The following NCKAP5 variants were observed in gnomAD, a reference collection of about 807,000 sequenced individuals.
NCKAP5 encodes the protein nck-associated protein 5.
A neutral mutation model predicts 167.0 loss-of-function variants in NCKAP5; 92 were observed. The observed-to-expected ratio is 0.55, with a 90% CI of 0.47 to 0.66. The LOEUF is 0.66. Among genes scored for constraint, NCKAP5 ranks in the 30% least tolerant of loss-of-function variants. NCKAP5 has a pLI of 0.00. For missense variants in NCKAP5, 2,378 were observed against 2,315.0 expected, an observed-to-expected ratio of 1.03 and a Z score of -0.56; for synonymous variants, 891 against 877.4, an observed-to-expected ratio of 1.02 and a Z score of -0.27.
intron 8 of NCKAP5, among the ~76,000 whole-genome samples, chr2:132,911,486 GTAA>G (rs1324526615): frequency 1.3e-5 from 2 of 152,054 alleles, no homozygotes; most frequent in African/African-American, 4.8e-5. Flanking sequence ...CTTGTATCAG[GTAA>G]TAGTCTTTCC....
chr2:133,053,735 T>C (rs570530286), intron 6 of NCKAP5, among the ~76,000 whole-genome samples: 1 of 152,332 alleles, frequency 6.6e-6, no homozygotes, highest in South Asian at 2.1e-4. Flanking sequence ...CTCCGGTTCC[T>C]GGTGTCTCTG....
intron 8 of NCKAP5, among the ~76,000 whole-genome samples, chr2:132,955,652 T>C (rs2076319313): frequency 6.6e-6 from 1 of 152,180 alleles, no homozygotes; most frequent in African/African-American, 2.4e-5. Flanking sequence ...GCATGATTTA[T>C]AATCCTTTGG....
intron 4 of NCKAP5, among the ~76,000 whole-genome samples, chr2:133,223,685 A>C (rs775781642): frequency 6.6e-6 from 1 of 152,124 alleles, no homozygotes; most frequent in Non-Finnish European, 1.5e-5. Flanking sequence ...CAACAAAATC[A>C]CTCTGATTAT....
intron 4 of NCKAP5, among the ~76,000 whole-genome samples, chr2:133,245,714 C>T (rs1046158209): frequency 3.3e-5 from 5 of 151,732 alleles, no homozygotes; most frequent in African/African-American, 1.2e-4. Context: ...AGAGGAAAAA[C>T]AGGAGAATGT....
In NCKAP5 at chr2:133,119,869, C is replaced by T. The variant is rs149164172; in HGVS notation, c.341+10109G>A. Among the ~76,000 whole-genome samples, 604 of 151,102 alleles carry T rather than the reference C, an allele frequency of 4.0e-3. 6 individuals are homozygous for T. Among genetic ancestry groups the T allele is most frequent in the African/African-American group, 0.014 (569 of 41,200 alleles). ...TTTATTATTATTAATATATATGATTCGATATCATATAATAGGCTCTCCCTA... is the reference window on the plus strand; with the variant it reads ...TTTATTATTATTAATATATATGATTTGATATCATATAATAGGCTCTCCCTA... On this transcript the variant is annotated intron_variant, in intron 6 of 19. Transcript: ENST00000409261.
chr2:133,308,049 T>A (rs988184852), intron 3 of NCKAP5, among the ~76,000 whole-genome samples: 1 of 151,516 alleles, frequency 6.6e-6, no homozygotes, highest in Non-Finnish European at 1.5e-5. Flanking sequence ...CATAAATCAC[T>A]TTGAATATAG....
intron 8 of NCKAP5, among the ~76,000 whole-genome samples, chr2:132,955,936 G>C (rs546388840): frequency 3.3e-5 from 5 of 152,112 alleles, no homozygotes; most frequent in South Asian, 2.1e-4. Context: ...TCAAATGTTT[G>C]TTGGCCACAT....
In NCKAP5 at chr2:133,409,177, C is replaced by A. The variant is rs112664287; in HGVS notation, c.70-106067G>T. 7.0e-4 allele frequency among the ~76,000 whole-genome samples: 107 copies of A among 151,930 alleles called. 2 individuals carry two copies. Among genetic ancestry groups the A allele is most frequent in the African/African-American group, 2.5e-3 (102 of 41,430 alleles). ...CCTTGCTACTGAGTTATAATGAAAG[C>A]AATCCTCAGACCAGATTTCCCTACA... is the stretch of plus-strand genomic sequence containing the variant. On this transcript the variant is annotated intron_variant, in intron 3 of 19. Transcript: ENST00000409261.
At chr2:132,980,287 C>T (rs868607839) in intron 7 of NCKAP5, among the ~76,000 whole-genome samples, 28 of 152,210 alleles carry the variant, frequency 1.8e-4, no homozygotes, top group Admixed American at 3.3e-4. Flanking sequence ...CCACTGCACC[C>T]AGCCCGCAAT....
chr2:132,783,518 G>A lies in NCKAP5; in HGVS notation c.3293C>T (p.Thr1098Ile). The change falls in exon 14 of 20, where the codon ACA becomes ATA. Residue 1098 changes from threonine to isoleucine, a missense_variant. Thr to Ile is a moderately conservative substitution (Grantham distance 89). Transcript: ENST00000409261. ...RKGQLNDSAS[T>I]PPKPSFLGVN... ...CCCTAAGAAGGAAGGCTTGGGGGGT[G>A]TGGAGGCGCTATCATTCAATTGTCC... 2 of 1,613,222 alleles carry A rather than the reference G, an allele frequency of 1.2e-6. No homozygotes were observed. The highest frequency in any genetic ancestry group is 1.3e-5 in the African/African-American group (1 of 75,034).
chr2:132,707,694 T>C lies in NCKAP5; in HGVS notation c.5713+17933A>G, dbSNP rs147492529. 4.8e-3 allele frequency among the ~76,000 whole-genome samples: 731 copies of C among 152,368 alleles called. 4 individuals are homozygous for C. Among genetic ancestry groups the C allele is most frequent in the African/African-American group, 0.017 (697 of 41,586 alleles). On this transcript the variant is annotated intron_variant, in intron 19 of 19. Coordinates refer to ENST00000409261, the MANE Select transcript of NCKAP5 (RefSeq NM_207363.3). ...ACACCCTGTCTTCATGTTGTTTAAA[T>C]GTCCAGAAACGTGGCAGTGTTCTAC...
intron 6 of NCKAP5, among the ~76,000 whole-genome samples, chr2:133,006,618 TTTATTTTA>T (rs746344803): frequency 3.7e-5 from 3 of 82,116 alleles, no homozygotes; most frequent in African/African-American, 1.1e-4. Flanking sequence ...TTTATTTTAT[TTTATTTTA>T]TTTTTTTTTT....
At chr2:133,135,976 T>C (rs1257127008) in intron 5 of NCKAP5, among the ~76,000 whole-genome samples, 3 of 152,220 alleles carry the variant, frequency 2.0e-5, no homozygotes. Flanking sequence ...ATCATAGATA[T>C]TTCAAAAAGT....
At chr2:132,949,108 G>A (rs1456504224) in intron 8 of NCKAP5, among the ~76,000 whole-genome samples, 1 of 140,970 alleles carries the variant, frequency 7.1e-6, no homozygotes, top group Non-Finnish European at 1.5e-5. Context: ...CCAGGGATAA[G>A]AAGAAGCAAA....
intron 3 of NCKAP5, among the ~76,000 whole-genome samples, chr2:133,479,938 T>G (rs1369162544): frequency 6.6e-6 from 1 of 150,536 alleles, no homozygotes; most frequent in Admixed American, 6.6e-5. Context: ...TTTCCTTTTT[T>G]TTTTTTTTTT....
intron 19 of NCKAP5, among the ~76,000 whole-genome samples, chr2:132,700,923 C>T (rs1250482408): frequency 1.4e-5 from 1 of 71,456 alleles, no homozygotes; most frequent in Non-Finnish European, 2.5e-5. Context: ...GGTTACAATC[C>T]CCTGGGCGGG....
At chr2:133,214,878 A>C (rs1173814009) in intron 4 of NCKAP5, among the ~76,000 whole-genome samples, 1 of 152,222 alleles carries the variant, frequency 6.6e-6, no homozygotes, top group African/African-American at 2.4e-5. Flanking sequence ...CAATCCCCAG[A>C]AAATTTTCCC....
At chr2:132,729,554 G>A (rs1690784072) in intron 17 of NCKAP5, among the ~76,000 whole-genome samples, 1 of 152,192 alleles carries the variant, frequency 6.6e-6, no homozygotes, top group Admixed American at 6.5e-5. Context: ...TCATGTGCAT[G>A]CTGATTCAGT....
chr2:133,229,562 T>C (rs1307249354), intron 4 of NCKAP5, among the ~76,000 whole-genome samples: 1 of 152,206 alleles, frequency 6.6e-6, no homozygotes. Flanking sequence ...ACGTTAGTTA[T>C]TAACTTGTTT....
Sources: allele counts gnomAD v4.1 joint callset (sites outside exome capture counted in the v4.1 genomes callset), GRCh38; gene constraint gnomAD v4.1.1; transcripts MANE v1.5; gene names NCBI Gene and HGNC (gene_info 2026-07-23, HGNC 2026-07-21).